The following DNER variants were observed in gnomAD, a reference collection of about 807,000 sequenced individuals.
The protein encoded by DNER is delta and Notch-like epidermal growth factor-related receptor.
DNER carries 33 observed loss-of-function variants against 78.2 expected under a neutral mutation model. The observed-to-expected ratio is 0.42, with a 90% confidence interval of 0.32 to 0.56. DNER has a LOEUF of 0.56. DNER is among the 20% of genes least tolerant of loss of function. The pLI, the probability that DNER is intolerant of heterozygous loss-of-function variation, is 0.11. For missense variants in DNER, 918 were observed against 975.3 expected (o/e 0.94, Z 0.78); for synonymous variants, 417 against 384.8 (o/e 1.08, Z -0.98).
rs556389806 is a variant in DNER at position 229,513,535 on chromosome 2, C to G, written c.994-599G>C. 2.0e-5 allele frequency among the ~76,000 whole-genome samples: 3 copies of G among 152,302 alleles called. No individual in the cohort carries two copies. The South Asian group carries it at 6.2e-4, about 32-fold the overall frequency. On this transcript the variant is annotated intron_variant, in intron 5 of 12. Transcript: ENST00000341772. Reference sequence around the variant, plus strand: ...ACATTATCTTAGTAAAAGACCATAACTCAGACACAGAGAATGGAATTTGAC... The same window carrying G: ...ACATTATCTTAGTAAAAGACCATAAGTCAGACACAGAGAATGGAATTTGAC...
At position 229,393,434 on chromosome 2, in the gene DNER, T is replaced by A. The variant is rs529872603; in HGVS notation, c.1724-5038A>T. The stretch of plus-strand genomic sequence containing the variant: ...GAGTGAGACTCCGTCTCAAAAAAAA[T>A]AAAAATAAAAATAAAAAAATAGTAG... On this transcript the variant is annotated intron_variant, in intron 10 of 12. Coordinates refer to ENST00000341772, the MANE Select transcript of DNER (RefSeq NM_139072.4). Among the ~76,000 whole-genome samples the A allele has an allele frequency of 5.6e-3, 813 of 146,442 alleles. 9 individuals carry two copies. Among genetic ancestry groups the A allele is most frequent in the African/African-American group, 0.019 (756 of 39,066 alleles).
intron 6 of DNER, among the ~76,000 whole-genome samples, chr2:229,510,575 T>C (rs1416127567): frequency 6.6e-6 from 1 of 152,004 alleles, no homozygotes; most frequent in Non-Finnish European, 1.5e-5. Context: ...GGAAAAAATA[T>C]GAAGAGAGAG....
chr2:229,605,407 A>G (rs1697915047), intron 1 of DNER, among the ~76,000 whole-genome samples: 1 of 152,220 alleles, frequency 6.6e-6, no homozygotes, highest in African/African-American at 2.4e-5. Flanking sequence ...TGGCAAAGGT[A>G]CTGTAGCTTT....
chr2:229,572,817 A>G (rs980783190), intron 4 of DNER, among the ~76,000 whole-genome samples: 2 of 152,214 alleles, frequency 1.3e-5, no homozygotes, highest in Admixed American at 1.3e-4. Context: ...GTAAACATAT[A>G]CAGTGTTTTA....
At chr2:229,631,455 G>T (rs1462787453) in intron 1 of DNER, among the ~76,000 whole-genome samples, 3 of 152,172 alleles carry the variant, frequency 2.0e-5, no homozygotes, top group African/African-American at 7.2e-5. Context: ...AATATAGAAA[G>T]AAGATGTCTG....
intron 11 of DNER, among the ~76,000 whole-genome samples, chr2:229,370,392 G>A (rs552867126): frequency 6.6e-6 from 1 of 152,328 alleles, no homozygotes; most frequent in South Asian, 2.1e-4. Flanking sequence ...GCCTGCCTGA[G>A]CTCATAAGGC....
At chr2:229,587,536 TAC>T (rs527276028) in intron 3 of DNER, among the ~76,000 whole-genome samples, 73 of 152,324 alleles carry the variant, frequency 4.8e-4, no homozygotes, top group African/African-American at 1.7e-3. Flanking sequence ...GGAAGAGACC[TAC>T]AGTGCCCGCA....
chr2:229,591,905 A>T lies in DNER; in HGVS notation c.277-17T>A. 1.3e-6 allele frequency: 2 copies of T among 1,506,438 alleles called. No homozygotes were observed. The highest frequency in any genetic ancestry group is 1.8e-6 in the Non-Finnish European group (2 of 1,130,322). The allele number at this position is 1,506,438 out of a possible 1,614,324, so 93.3% of individuals were successfully genotyped here. On this transcript the variant is annotated splice_polypyrimidine_tract_variant and intron_variant, in intron 1 of 12. Transcript: ENST00000341772. The surrounding 1 kb of genome is among the most constrained non-coding windows in gnomAD (Gnocchi z 4.6). ...TGCAACAAGCTGAAACGAGACCATA[A>T]ATGGGTCAATTATTCCCTCATAAGA...
chr2:229,538,521 T>C (rs574239612), intron 5 of DNER, among the ~76,000 whole-genome samples: 7 of 152,128 alleles, frequency 4.6e-5, no homozygotes, highest in African/African-American at 1.7e-4. Context: ...TGCATCACCC[T>C]GCCCGGCTAA....
intron 11 of DNER, among the ~76,000 whole-genome samples, chr2:229,387,493 AAGAAAGAAAGAAAGAG>A (rs1483977440): frequency 6.4e-4 from 68 of 106,248 alleles, no homozygotes; most frequent in African/African-American, 1.2e-3. Flanking sequence ...AAAAGAAAGA[AAGAAAGAAAGAAAGAG>A]AGAAAGAAAG....
chr2:229,499,931 C>CTTTTTTTTTTTT (rs58019962), intron 6 of DNER, among the ~76,000 whole-genome samples: 5 of 134,812 alleles, frequency 3.7e-5, no homozygotes, highest in African/African-American at 1.3e-4. Flanking sequence ...GACTTTCTTT[C>CTTTTTTTTTTTT]TTTTTTTTTT....
Position 229,447,458 on chromosome 2 carries a change from G to C in DNER, c.1344C>G (p.Asp448Glu), listed in dbSNP as rs140730283. Residue 448 changes from aspartate (D) to glutamate (E), a missense_variant, in exon 8 of 13, where the codon GAC becomes GAG. Coordinates refer to ENST00000341772, the MANE Select transcript of DNER (RefSeq NM_139072.4). The stretch of plus-strand genomic sequence containing the variant: ...TGCAGTTGCAGGTAAAGTGTACCCC[G>C]TCCACATAGCAGGTGCCGTTGTTCT... ...PCQNNGTCYV[D>E]GVHFTCNCSP... 1.5e-5 allele frequency: 24 copies of C among 1,614,042 alleles called. No individual in the cohort carries two copies. The highest frequency in any genetic ancestry group is 1.9e-5 in the Non-Finnish European group (22 of 1,180,030).
At chr2:229,558,357 C>A (rs1008494409) in intron 4 of DNER, among the ~76,000 whole-genome samples, 2 of 152,092 alleles carry the variant, frequency 1.3e-5, no homozygotes, top group Non-Finnish European at 2.9e-5. Context: ...AACAAACATG[C>A]ACTTGTACCC....
intron 8 of DNER, among the ~76,000 whole-genome samples, chr2:229,444,868 T>A (rs1694308450): frequency 6.6e-6 from 1 of 151,930 alleles, no homozygotes; most frequent in Non-Finnish European, 1.5e-5. Context: ...CTCAAAAAAA[T>A]TTTAAAAAAG....
chr2:229,641,644 A>G (rs896270610), intron 1 of DNER, among the ~76,000 whole-genome samples: 7 of 152,254 alleles, frequency 4.6e-5, no homozygotes, highest in Non-Finnish European at 8.8e-5. Context: ...CCTCTGATCC[A>G]TTAGCAATAT....
At chr2:229,684,186 G>A (rs1171413716) in intron 1 of DNER, among the ~76,000 whole-genome samples, 3 of 150,222 alleles carry the variant, frequency 2.0e-5, no homozygotes, top group Non-Finnish European at 4.5e-5. Context: ...GTGTGTGTGT[G>A]TGTGTGTGTG....
At chr2:229,548,130 A>G (rs563242394) in intron 4 of DNER, among the ~76,000 whole-genome samples, 57 of 152,348 alleles carry the variant, frequency 3.7e-4, no homozygotes, top group African/African-American at 1.4e-3. Context: ...TTGTAAGACC[A>G]AGGGGACTAC....
intron 1 of DNER, among the ~76,000 whole-genome samples, chr2:229,658,959 T>C (rs956977255): frequency 1.3e-5 from 2 of 152,164 alleles, no homozygotes; most frequent in Non-Finnish European, 2.9e-5. Context: ...CTGAAAGAAA[T>C]GTGATACTAT....
chr2:229,588,531 A>G (rs1697543590), intron 2 of DNER, 43 bp from the exon 3 acceptor site: 1 of 1,557,530 alleles, frequency 6.4e-7, no homozygotes, highest in African/African-American at 1.4e-5. Context: ...GGGGTTGTTT[A>G]TAGTATAACA....
Sources: gnomAD v4.1 joint callset for allele counts (sites outside exome capture counted in the v4.1 genomes callset) on GRCh38, gnomAD v4.1.1 for gene constraint, Gnocchi (gnomAD v3.1) non-coding constraint, MANE v1.5 for transcripts, NCBI Gene and HGNC (gene_info 2026-07-23, HGNC 2026-07-21) for gene names.